CGNL1: variants seen among roughly 807,000 people sequenced by gnomAD.
The protein encoded by CGNL1 is cingulin-like protein 1.
Under a neutral mutation model 141.2 loss-of-function variants are expected in CGNL1, and 132 were observed. The observed-to-expected ratio is 0.93, with a 90% CI of 0.81 to 1.08. The LOEUF is 1.08. CGNL1 is among the 50% of genes least tolerant of loss of function. CGNL1 has a pLI of 0.00. For synonymous variants in CGNL1, 690 were observed against 622.1 expected (o/e 1.11, Z -1.63); for missense variants, 1,870 against 1,588.6 (o/e 1.18, Z -3.01).
At chr15:57,481,399 T>G (rs1262759457) in intron 8 of CGNL1, among the ~76,000 whole-genome samples, 3 of 152,180 alleles carry the variant, frequency 2.0e-5, no homozygotes, top group Non-Finnish European at 1.5e-5. Context: ...TTTTTAAATT[T>G]TATCATTTCC....
intron 1 of CGNL1, among the ~76,000 whole-genome samples, chr15:57,379,782 G>T (rs571647938): frequency 2.6e-5 from 4 of 151,018 alleles, no homozygotes; most frequent in Non-Finnish European, 4.4e-5. Context: ...CTGTTATCAA[G>T]AAACCAGTTA....
intron 11 of CGNL1, 55 bp downstream of exon 11, chr15:57,523,696 A>G (rs2031423819): frequency 6.3e-7 from 1 of 1,595,004 alleles, no homozygotes; most frequent in East Asian, 2.2e-5. Context: ...TGTTGGACCC[A>G]GTCCCCTCTG....
chr15:57,431,078 G>C (rs1187284594), intron 1 of CGNL1, among the ~76,000 whole-genome samples: 2 of 152,168 alleles, frequency 1.3e-5, no homozygotes, highest in Admixed American at 1.3e-4. Context: ...CCTAGTAAAA[G>C]GAGCCTTTTT....
chr15:57,382,977 C>A (rs2062439917), intron 1 of CGNL1, among the ~76,000 whole-genome samples: 2 of 152,202 alleles, frequency 1.3e-5, no homozygotes, highest in Non-Finnish European at 2.9e-5. Context: ...TATCCTTGAA[C>A]TCTTTTGTAG....
Position 57,389,075 on chromosome 15 carries a change from C to T in CGNL1, c.-16+12508C>T, listed in dbSNP as rs539422590. ...AATTTTGGGCACGAGGGGATGTCAA[C>T]TACCCTTTAAAATAATTCGTGATCA... is the stretch of plus-strand genomic sequence containing the variant. On this transcript the variant is annotated intron_variant, in intron 1 of 18. Transcript: ENST00000281282. Among the ~76,000 whole-genome samples, 8 of 151,768 alleles carry T rather than the reference C, an allele frequency of 5.3e-5. No individual in the cohort carries two copies. In the East Asian group the frequency reaches 1.4e-3, roughly 26 times the overall value.
chr15:57,505,265 A>G (rs908015518), intron 8 of CGNL1, among the ~76,000 whole-genome samples: 2 of 152,132 alleles, frequency 1.3e-5, no homozygotes, highest in Admixed American at 6.5e-5. Flanking sequence ...ATCCTTTGAC[A>G]TTTCACACCA....
chr15:57,545,307 C>G (rs1261792859), intron 16 of CGNL1, among the ~76,000 whole-genome samples: 3 of 152,244 alleles, frequency 2.0e-5, no homozygotes, highest in Non-Finnish European at 2.9e-5. Flanking sequence ...CAGTTTGTGA[C>G]TTCTTGCCTT....
chr15:57,530,407 G>A (rs1399724718), intron 13 of CGNL1, among the ~76,000 whole-genome samples: 3 of 152,148 alleles, frequency 2.0e-5, no homozygotes, highest in African/African-American at 7.2e-5. Flanking sequence ...GGGGTGTTTC[G>A]TCCCCTAAGA....
intron 14 of CGNL1, among the ~76,000 whole-genome samples, chr15:57,532,320 CT>C (rs1328728746): frequency 1.3e-5 from 2 of 152,210 alleles, no homozygotes; most frequent in Non-Finnish European, 2.9e-5. Context: ...CATATTTTAT[CT>C]GTCAAGTGGT....
chr15:57,479,754 G>A (rs2063702574), intron 8 of CGNL1, among the ~76,000 whole-genome samples: 1 of 152,176 alleles, frequency 6.6e-6, no homozygotes, highest in Non-Finnish European at 1.5e-5. Context: ...AGGCAGAGCA[G>A]TTTGAAGTAT....
At position 57,438,961 on chromosome 15, in the gene CGNL1, T is replaced by C; in HGVS notation, c.962T>C (p.Ile321Thr). 1 of 1,614,214 alleles carries C rather than the reference T, an allele frequency of 6.2e-7. No individual in the cohort carries two copies. The highest frequency in any genetic ancestry group is 1.3e-5 in the African/African-American group (1 of 75,064). ...TTACTGGATGATCAGGAATGTGCCA[T>C]CCATGCCGACAACGTCAATCGTCAT... ...RFLLDDQECA[I>T]HADNVNRHEN... is the part of the protein sequence containing the mutation. Residue 321 changes from isoleucine (I) to threonine (T), a missense_variant, in exon 2 of 19, where the codon ATC (isoleucine) becomes ACC (threonine). Ile to Thr is a moderately conservative substitution (Grantham distance 89). Coordinates refer to ENST00000281282, the MANE Select transcript of CGNL1 (RefSeq NM_032866.5).
chr15:57,437,059 C>G (rs2063114210), intron 1 of CGNL1, among the ~76,000 whole-genome samples: 1 of 151,960 alleles, frequency 6.6e-6, no homozygotes, highest in South Asian at 2.1e-4. Flanking sequence ...TTTGCCATTG[C>G]TGTTTTGCAA....
At chr15:57,447,223 C>T (rs1166052277) in intron 4 of CGNL1, among the ~76,000 whole-genome samples, 1 of 152,226 alleles carries the variant, frequency 6.6e-6, no homozygotes, top group Non-Finnish European at 1.5e-5. Flanking sequence ...AGGTCTCGCA[C>T]ATCTTTCATT....
intron 4 of CGNL1, among the ~76,000 whole-genome samples, chr15:57,446,645 T>G (rs2063255608): frequency 6.6e-6 from 1 of 150,736 alleles, no homozygotes; most frequent in Admixed American, 6.6e-5. Flanking sequence ...CTGCTAGGTG[T>G]AATGCCAAAC....
At chr15:57,545,350 G>A (rs575444693) in intron 16 of CGNL1, among the ~76,000 whole-genome samples, 3 of 152,332 alleles carry the variant, frequency 2.0e-5, no homozygotes, top group South Asian at 4.1e-4. Flanking sequence ...CGGGCAGGTC[G>A]AGCCATGGCT....
intron 8 of CGNL1, among the ~76,000 whole-genome samples, chr15:57,462,625 TGAA>T (rs1309667735): frequency 6.6e-6 from 1 of 152,198 alleles, no homozygotes; most frequent in Non-Finnish European, 1.5e-5. Flanking sequence ...TTAAAAATGA[TGAA>T]GAAAGAATTC....
intron 1 of CGNL1, among the ~76,000 whole-genome samples, chr15:57,412,671 T>C (rs1210568182): frequency 1.3e-5 from 2 of 152,190 alleles, no homozygotes; most frequent in Non-Finnish European, 2.9e-5. Context: ...CCCCTTTCGA[T>C]TGAAGTGGAG....
chr15:57,377,684 C>T (rs2062380214), intron 1 of CGNL1, among the ~76,000 whole-genome samples: 1 of 152,206 alleles, frequency 6.6e-6, no homozygotes, highest in African/African-American at 2.4e-5. Flanking sequence ...TGTTTACAGT[C>T]AATACTGCCA....
intron 8 of CGNL1, among the ~76,000 whole-genome samples, chr15:57,469,825 G>A (rs1375238411): frequency 4.6e-5 from 7 of 152,146 alleles, no homozygotes; most frequent in South Asian, 4.1e-4. Context: ...GTGTTCCCAC[G>A]TCATTTCTAG....
Sources: gnomAD v4.1 joint callset for allele counts (sites outside exome capture counted in the v4.1 genomes callset) on GRCh38, gnomAD v4.1.1 for gene constraint, MANE v1.5 for transcripts, NCBI Gene and HGNC (gene_info 2026-07-23, HGNC 2026-07-21) for gene names.